GRM4: variants seen among roughly 807,000 people sequenced by gnomAD.
GRM4 encodes metabotropic glutamate receptor 4.
GRM4 carries 28 observed loss-of-function variants against 81.7 expected under a neutral mutation model. The observed-to-expected ratio is 0.34, with a 90% CI of 0.25 to 0.47. GRM4 has a LOEUF of 0.47. Among genes scored for constraint, GRM4 ranks in the 20% least tolerant of loss-of-function variants. The pLI is 1.00. For synonymous variants in GRM4, 488 were observed against 528.8 expected (o/e 0.92, Z 1.06); for missense variants, 948 against 1,290.0 (o/e 0.73, Z 4.06).
chr6:34,073,223 A>G (rs1183222692), intron 3 of GRM4, among the ~76,000 whole-genome samples: 16 of 622 alleles, frequency 0.026, no homozygotes, highest in Non-Finnish European at 0.052. Context: ...ACAAACACAC[A>G]TCACCAAATA....
chr6:34,055,771 C>T (rs991989679), intron 6 of GRM4: 2 of 152,220 alleles, frequency 1.3e-5, no homozygotes, highest in African/African-American at 4.8e-5. Context: ...TGCTCTACCG[C>T]CCTCTATCTA....
At chr6:34,129,453 T>C (rs1042442521) in intron 2 of GRM4, among the ~76,000 whole-genome samples, 1 of 152,238 alleles carries the variant, frequency 6.6e-6, no homozygotes, top group Non-Finnish European at 1.5e-5. Context: ...CAACAGTGCA[T>C]TGTACAGGCT....
At position 34,146,032 on chromosome 6, in the gene GRM4, C is replaced by G; in HGVS notation, c.-396G>C. The G allele has an allele frequency of 1.0e-6, 1 of 985,404 alleles. No individual in the cohort carries two copies. 61.0% of individuals were successfully genotyped at this position (985,404 alleles called of 1,614,324 possible). ...ACATGGCGGGGACCCCTTCTCACCC[C>G]AGAGGGGGAGGGTCAGGAACATAGC... On this transcript the variant is annotated 5_prime_UTR_variant, in exon 1 of 11. Transcript: ENST00000538487.
rs987997225 is a variant in GRM4, at chr6:34,048,368, G to A, written c.1169-7620C>T. ...GCCTGCACAGCCCCGTGCCCAAGAA[G>A]GATCAGCTCTCGACTCCTGCCTGGT... On this transcript the variant is annotated intron_variant, in intron 6 of 10. Transcript: ENST00000538487. The surrounding 1 kb of genome is among the most constrained non-coding windows in gnomAD (Gnocchi z 4.0). Among the ~76,000 whole-genome samples the A allele has an allele frequency of 7.9e-5, 12 of 152,080 alleles. No homozygotes were observed. Among genetic ancestry groups the A allele is most frequent in the Admixed American group, 4.6e-4 (7 of 15,260 alleles).
intron 10 of GRM4, chr6:34,024,099 G>A (rs1764020783): frequency 6.6e-6 from 1 of 152,378 alleles, no homozygotes; most frequent in Non-Finnish European, 1.5e-5. Flanking sequence ...AGAGAAAACT[G>A]GGGGACAAGT....
At chr6:34,024,324 C>T (rs891759456) in intron 10 of GRM4, 1 of 216,390 alleles carries the variant, frequency 4.6e-6, no homozygotes, top group Non-Finnish European at 9.5e-6. Flanking sequence ...CTTTTCCCTT[C>T]CATGAGCAGA....
At chr6:34,041,734 C>T (rs1701776527) in intron 6 of GRM4, among the ~76,000 whole-genome samples, 1 of 152,232 alleles carries the variant, frequency 6.6e-6, no homozygotes, top group Admixed American at 6.5e-5. Flanking sequence ...ATGGAGGTCC[C>T]TGGGCTGGAG....
intron 2 of GRM4, among the ~76,000 whole-genome samples, chr6:34,093,560 G>A (rs1472313742): frequency 1.3e-5 from 2 of 152,222 alleles, no homozygotes; most frequent in Non-Finnish European, 2.9e-5. Flanking sequence ...GCATAAGGGG[G>A]TGGGACATCG....
intron 1 of GRM4, among the ~76,000 whole-genome samples, chr6:34,143,430 C>T (rs11755375): frequency 0.06 from 9,104 of 152,262 alleles, 374 homozygotes; most frequent in Non-Finnish European, 0.088. Context: ...GTTCAGCAGT[C>T]CCCAGGGCCT....
At position 34,122,614 on chromosome 6, in the gene GRM4, C is replaced by T. The variant is rs976737271; in HGVS notation, c.519+10364G>A. On this transcript the variant is annotated intron_variant, in intron 2 of 10. Transcript: ENST00000538487. ...GGCACATGGTTCATTCAGCGGTGGG[C>T]GGGGGGTGGGGGGGGCAGCTAACCC... Among the ~76,000 whole-genome samples, 13 of 129,330 alleles carry T rather than the reference C, an allele frequency of 1.0e-4. No individual in the cohort carries two copies. The South Asian group carries it at 1.0e-3, about 10-fold the overall frequency. The allele number at this position is 129,330 out of a possible 152,430, so 84.8% of individuals were successfully genotyped here.
chr6:34,028,556 A>G (rs1764255739), intron 9 of GRM4, among the ~76,000 whole-genome samples, 190 bp from the exon 10 acceptor site: 1 of 152,228 alleles, frequency 6.6e-6, no homozygotes, highest in South Asian at 2.1e-4. Context: ...CAGCTGTGTG[A>G]TATTAGACAC....
chr6:34,087,118 C>T (rs1227290356), intron 3 of GRM4, among the ~76,000 whole-genome samples: 1 of 147,296 alleles, frequency 6.8e-6, no homozygotes, highest in Admixed American at 6.8e-5. Flanking sequence ...GAGTGAGACC[C>T]AATCTCCAAA....
At chr6:34,057,977 G>T (rs537047963) in intron 5 of GRM4, among the ~76,000 whole-genome samples, 1 of 152,164 alleles carries the variant, frequency 6.6e-6, no homozygotes, top group Non-Finnish European at 1.5e-5. Flanking sequence ...GGGTGGAGGC[G>T]TGTTGAATGT....
At chr6:34,125,630 G>A (rs1227198515) in intron 2 of GRM4, among the ~76,000 whole-genome samples, 1 of 152,238 alleles carries the variant, frequency 6.6e-6, no homozygotes, top group Non-Finnish European at 1.5e-5. Flanking sequence ...CCTGCCCAAG[G>A]GCACGCAGAG....
chr6:34,029,341 C>G (rs1024374605), intron 9 of GRM4, among the ~76,000 whole-genome samples: 2 of 152,148 alleles, frequency 1.3e-5, no homozygotes, highest in African/African-American at 4.8e-5. Context: ...GCTCTATGGG[C>G]CCCCATGATA....
At chr6:34,126,032 A>G (rs536760543) in intron 2 of GRM4, among the ~76,000 whole-genome samples, 4 of 152,304 alleles carry the variant, frequency 2.6e-5, no homozygotes, top group Non-Finnish European at 4.4e-5. Flanking sequence ...CCAGCTGGGT[A>G]TCATCACACC....
At chr6:34,101,951 C>G (rs1768862377) in intron 2 of GRM4, 4 of 1,469,818 alleles carry the variant, frequency 2.7e-6, no homozygotes, top group Non-Finnish European at 3.7e-6. Context: ...GGGGTATGGC[C>G]AGGACGTGTG....
chr6:34,081,968 C>A (rs1193691431), intron 3 of GRM4, among the ~76,000 whole-genome samples: 4 of 152,348 alleles, frequency 2.6e-5, no homozygotes, highest in Non-Finnish European at 5.9e-5. Flanking sequence ...AGCAGGGCCG[C>A]AGGCTTCACC....
At chr6:34,054,159 CT>C (rs34586228) in intron 6 of GRM4, 9,090 of 135,894 alleles carry the variant, frequency 0.067, 637 homozygotes, top group African/African-American at 0.2. Flanking sequence ...GCTCTGTGCT[CT>C]TTTTTTTTTT....
Sources: allele counts gnomAD v4.1 joint callset (sites outside exome capture counted in the v4.1 genomes callset), GRCh38; gene constraint gnomAD v4.1.1; non-coding constraint Gnocchi (gnomAD v3.1); transcripts MANE v1.5; gene names NCBI Gene and HGNC (gene_info 2026-07-23, HGNC 2026-07-21).